TOX: variants seen among roughly 807,000 people sequenced by gnomAD.
TOX encodes the protein thymocyte selection-associated high mobility group box protein TOX.
In TOX, 11 loss-of-function variants were observed where a neutral mutation model predicts 53.7. That is an observed-to-expected ratio of 0.20 (90% confidence interval 0.13 to 0.34). TOX has a LOEUF of 0.34. Among genes scored for constraint, TOX ranks in the 10% least tolerant of loss-of-function variants. The probability of loss-of-function intolerance (pLI) is 1.00; values close to 1 mark genes in which losing one functional copy is unlikely to be tolerated. For missense variants in TOX, 570 were observed against 664.6 expected (o/e 0.86, Z 1.56); for synonymous variants, 225 against 245.3 (o/e 0.92, Z 0.77).
At chr8:58,839,850 G>A (rs1810614714) in intron 4 of TOX, among the ~76,000 whole-genome samples, 1 of 152,220 alleles carries the variant, frequency 6.6e-6, no homozygotes, top group African/African-American at 2.4e-5. Flanking sequence ...GATGTACAGA[G>A]AGGTCTGTGG....
chr8:59,098,001 A>G (rs1214701440), intron 1 of TOX, among the ~76,000 whole-genome samples: 1 of 152,114 alleles, frequency 6.6e-6, no homozygotes, highest in Non-Finnish European at 1.5e-5. Context: ...TGGGGGAATC[A>G]CGGAGGGAAA....
intron 1 of TOX, among the ~76,000 whole-genome samples, chr8:59,049,325 C>G (rs1803746650): frequency 6.6e-6 from 1 of 152,130 alleles, no homozygotes; most frequent in African/African-American, 2.4e-5. Context: ...GATCAATAAA[C>G]TCTCCTCTTC....
chr8:58,933,484 CT>C (rs768069218), intron 3 of TOX, among the ~76,000 whole-genome samples: 13 of 149,898 alleles, frequency 8.7e-5, no homozygotes, highest in South Asian at 2.1e-4. Context: ...AGCAATATCA[CT>C]TTTTTTTAAT....
intron 1 of TOX, among the ~76,000 whole-genome samples, chr8:59,053,104 C>G (rs755736478): frequency 1.3e-5 from 2 of 152,096 alleles, no homozygotes; most frequent in Non-Finnish European, 2.9e-5. Flanking sequence ...TATATACAAT[C>G]AAACCAAACA....
intron 4 of TOX, among the ~76,000 whole-genome samples, chr8:58,841,242 G>A (rs191935488): frequency 3.9e-5 from 6 of 152,200 alleles, no homozygotes; most frequent in East Asian, 1.9e-4. Context: ...TTCATAGCAC[G>A]TATCAAGCTT....
chr8:58,887,108 A>T (rs979437591), intron 3 of TOX, among the ~76,000 whole-genome samples: 1 of 152,022 alleles, frequency 6.6e-6, no homozygotes, highest in East Asian at 1.9e-4. Context: ...TTTATCATGT[A>T]ATTTATGTGA....
intron 1 of TOX, among the ~76,000 whole-genome samples, chr8:59,090,318 T>A (rs1804587922): frequency 6.6e-6 from 1 of 152,206 alleles, no homozygotes; most frequent in African/African-American, 2.4e-5. Flanking sequence ...CTAGTTGCCC[T>A]GTGACTCTTT....
At chr8:58,969,152 G>A (rs1341338505) in intron 1 of TOX, among the ~76,000 whole-genome samples, 1 of 152,112 alleles carries the variant, frequency 6.6e-6, no homozygotes, top group Non-Finnish European at 1.5e-5. Flanking sequence ...GGTGTGGAAT[G>A]GTATTTTGGT....
chr8:58,911,576 G>T (rs1811907942), intron 3 of TOX, among the ~76,000 whole-genome samples: 1 of 152,090 alleles, frequency 6.6e-6, no homozygotes, highest in Non-Finnish European at 1.5e-5. Flanking sequence ...TGATAGTTAG[G>T]TGTTGTTCAG....
intron 1 of TOX, among the ~76,000 whole-genome samples, chr8:59,071,653 G>A (rs1005016590): frequency 3.9e-5 from 6 of 152,114 alleles, no homozygotes; most frequent in African/African-American, 1.4e-4. Flanking sequence ...ATGGTATCCA[G>A]GAAGCCAAAA....
Position 58,864,939 on chromosome 8 carries a change from T to C in TOX, c.412-13134A>G, listed in dbSNP as rs538322325. On this transcript the variant is annotated intron_variant, in intron 3 of 8. Transcript: ENST00000361421. ...ATACAGTTTCCTTTCACTTTAACAGTGAAAGACTAAATGGATGCTTGATGG... is the reference window on the plus strand; with the variant it reads ...ATACAGTTTCCTTTCACTTTAACAGCGAAAGACTAAATGGATGCTTGATGG... Among the ~76,000 whole-genome samples, 8 of 152,264 alleles carry C rather than the reference T, an allele frequency of 5.3e-5. No homozygotes were observed. The East Asian group carries it at 1.4e-3, about 26-fold the overall frequency.
rs1343996763 is a variant in TOX at position 58,851,545 on chromosome 8, A to C, written c.672T>G (p.Asp224Glu). 1 of 1,613,184 alleles carries C rather than the reference A, an allele frequency of 6.2e-7. No homozygotes were observed. The highest frequency in any genetic ancestry group is 1.1e-5 in the South Asian group (1 of 91,048). Reference sequence around the variant, plus strand: ...ATACCTTAGAGGTATCATCGCCTTCATCTTCATGCACTGAACTGGATGGTG... The same window carrying C: ...ATACCTTAGAGGTATCATCGCCTTCCTCTTCATGCACTGAACTGGATGGTG... ...TPSPSSSVHE[D>E]EGDDTSKING... The change falls in exon 4 of 9, where the codon GAT becomes GAG. Residue 224 changes from aspartate to glutamate, a missense_variant. By Grantham distance (45) the Asp-to-Glu change is conservative. This residue lies in a region of TOX where 282 missense variants were observed against 315.0 expected (regional missense o/e 0.90). Coordinates refer to ENST00000361421, the MANE Select transcript of TOX (RefSeq NM_014729.3). This position sits in a 1 kb window ranked among gnomAD's most constrained non-coding sequence, Gnocchi z 4.4.
intron 4 of TOX, among the ~76,000 whole-genome samples, chr8:58,844,571 A>C (rs1039745558): frequency 6.6e-6 from 1 of 152,182 alleles, no homozygotes; most frequent in African/African-American, 2.4e-5. Flanking sequence ...GCATCGGTAC[A>C]GTGTTTTACA....
chr8:58,808,007 A>G, intron 8 of TOX, 111 bp downstream of exon 8: 1 of 1,442,114 alleles, frequency 6.9e-7, no homozygotes, highest in Admixed American at 2.2e-5. Flanking sequence ...GCCTTCATGA[A>G]CGTGAAACTA....
In TOX at chr8:58,851,400, T is replaced by C; in HGVS notation, c.693+124A>G. ...AGTATGTTTGTAACCTCATGCTTCATTAACAAAGCAGGTGTCTCCCTCCAA... is the reference window on the plus strand; with the variant it reads ...AGTATGTTTGTAACCTCATGCTTCACTAACAAAGCAGGTGTCTCCCTCCAA... On this transcript the variant is annotated intron_variant, in intron 4 of 8. Coordinates refer to ENST00000361421, the MANE Select transcript of TOX (RefSeq NM_014729.3). This position sits in a 1 kb window ranked among gnomAD's most constrained non-coding sequence, Gnocchi z 4.4. 1.8e-6 allele frequency: 2 copies of C among 1,115,664 alleles called. No homozygotes were observed. Among genetic ancestry groups the C allele is most frequent in the Non-Finnish European group, 2.6e-6 (2 of 783,674 alleles). 69.1% of individuals were successfully genotyped at this position (1,115,664 alleles called of 1,614,324 possible). A position where few individuals can be genotyped will look rare whatever the true frequency, so the allele number is the denominator to read the frequency against.
intron 1 of TOX, among the ~76,000 whole-genome samples, chr8:58,989,933 T>G (rs934799697): frequency 6.6e-6 from 1 of 152,082 alleles, no homozygotes; most frequent in Non-Finnish European, 1.5e-5. Context: ...ATAATTGAGG[T>G]CAGACACAGG....
In TOX at chr8:58,851,604, G is replaced by T; in HGVS notation, c.613C>A (p.Pro205Thr). 6.2e-7 allele frequency: 1 copy of T among 1,613,630 alleles called. No individual in the cohort carries two copies. Among genetic ancestry groups the T allele is most frequent in the Non-Finnish European group, 8.5e-7 (1 of 1,179,776 alleles). The part of the protein sequence containing the change: ...MGGSNVPHNS[P>T]SPPGSKSATP... ...GCAGACTTGCTTCCAGGTGGAGATG[G>T]TGAGTTGTGGGGAACATTGCTTCCT... The change falls in exon 4 of 9, where the codon CCA (proline) becomes ACA (threonine). Residue 205 changes from proline (P) to threonine (T), a missense_variant. Physicochemically the swap from Pro to Thr is conservative, Grantham distance 38. Coordinates refer to ENST00000361421, the MANE Select transcript of TOX (RefSeq NM_014729.3). This position sits in a 1 kb window ranked among gnomAD's most constrained non-coding sequence, Gnocchi z 4.4.
chr8:58,835,145 T>C (rs780177309), intron 5 of TOX, among the ~76,000 whole-genome samples: 1 of 152,236 alleles, frequency 6.6e-6, no homozygotes, highest in Non-Finnish European at 1.5e-5. Context: ...TCAACTATTA[T>C]ATAATTTTAT....
intron 3 of TOX, among the ~76,000 whole-genome samples, chr8:58,909,607 C>T (rs1439578614): frequency 6.6e-6 from 1 of 151,462 alleles, no homozygotes; most frequent in East Asian, 1.9e-4. Context: ...CAGTGATTTA[C>T]AAAAATTTAA....
Sources: gnomAD v4.1 joint callset for allele counts (sites outside exome capture counted in the v4.1 genomes callset) on GRCh38, gnomAD v4.1.1 for gene constraint, gnomAD v4.1.1 regional missense constraint, Gnocchi (gnomAD v3.1) non-coding constraint, MANE v1.5 for transcripts, NCBI Gene and HGNC (gene_info 2026-07-23, HGNC 2026-07-21) for gene names.